The following SMTN variants were observed in gnomAD, a reference collection of about 807,000 sequenced individuals.
SMTN encodes smoothelin.
In SMTN, 58 loss-of-function variants were observed where a neutral mutation model predicts 102.0. That is an observed-to-expected ratio of 0.57 (90% CI 0.46 to 0.71). SMTN has a LOEUF of 0.71. Ranked by LOEUF, SMTN falls within the 30% of genes least tolerant of loss-of-function variation. The pLI is 0.00. For synonymous variants in SMTN, 478 were observed against 497.9 expected (o/e 0.96, Z 0.53); for missense variants, 1,185 against 1,241.7 (o/e 0.95, Z 0.69).
In SMTN at chr22:31,089,999, G is replaced by A; in HGVS notation, c.772G>A (p.Glu258Lys). The A allele has an allele frequency of 4.4e-6, 7 of 1,605,482 alleles. No individual in the cohort carries two copies. Among genetic ancestry groups the A allele is most frequent in the Non-Finnish European group, 6.0e-6 (7 of 1,175,470 alleles). Reference sequence around the variant, plus strand: ...GGAGTCTCCAACGCTCCCCAGCACTGAGGGCCAGGTGGTCAACAAGGTGAG... The same window carrying A: ...GGAGTCTCCAACGCTCCCCAGCACTAAGGGCCAGGTGGTCAACAAGGTGAG... Reference protein sequence around the residue: ...PQESPTLPSTEGQVVNKLLSG... With the variant: ...PQESPTLPSTKGQVVNKLLSG... Residue 258 changes from glutamate to lysine, a missense_variant, in exon 7 of 21, where the codon GAG becomes AAG. Physicochemically the swap from Glu to Lys is moderately conservative, Grantham distance 56. Transcript: ENST00000333137.
In SMTN at chr22:31,096,775, G is replaced by C; in HGVS notation, c.1904G>C (p.Arg635Pro). 6.4e-7 allele frequency: 1 copy of C among 1,560,154 alleles called. No individual in the cohort carries two copies. The highest frequency in any genetic ancestry group is 8.7e-7 in the Non-Finnish European group (1 of 1,155,668). ...KERERRLQEA[R>P]GRPGEGRGNT... is the part of the protein sequence containing the mutation. ...CGGGAACGGCGGCTGCAGGAGGCAC[G>C]GGGCCGGCCAGGGGAGGGGCGCGGC... The change falls in exon 14 of 21, where the codon CGG becomes CCG. Residue 635 changes from arginine to proline, a missense_variant. Arg to Pro is a moderately radical substitution (Grantham distance 103). This residue lies in a region of SMTN where 1,096 missense variants were observed against 1,112.7 expected (regional missense o/e 0.98). Coordinates refer to ENST00000333137, the MANE Select transcript of SMTN (RefSeq NM_134269.3).
Position 31,096,846 on chromosome 22 carries a change from G to A in SMTN, c.1975G>A (p.Asp659Asn). Residue 659 changes from aspartate (D) to asparagine (N), a missense_variant, in exon 14 of 21, where the codon GAT becomes AAT. Physicochemically the swap from Asp to Asn is conservative, Grantham distance 23. Around this residue, in one of 2 missense-constraint regions of SMTN, gnomAD observed 1,096 missense variants for 1,112.7 expected, o/e 0.98. Coordinates refer to ENST00000333137, the MANE Select transcript of SMTN (RefSeq NM_134269.3). ...CACGAGGCACAGCCAGCGGGCAGCT[G>A]ATGGCTCTGCTGTCAGCACTGTTAC... ...TTTRHSQRAA[D>N]GSAVSTVTKT... The A allele has an allele frequency of 6.3e-7, 1 of 1,576,794 alleles. No homozygotes were observed. Among genetic ancestry groups the A allele is most frequent in the East Asian group, 2.3e-5 (1 of 44,394 alleles).
At position 31,095,566 on chromosome 22, in the gene SMTN, GCTCA is replaced by G; in HGVS notation, c.1819_1822del (p.Leu607SerfsTer85). The G allele has an allele frequency of 6.2e-7, 1 of 1,614,052 alleles. No homozygotes were observed. The highest frequency in any genetic ancestry group is 8.5e-7 in the Non-Finnish European group (1 of 1,179,976). On this transcript the variant is annotated frameshift_variant, in exon 13 of 21. Coordinates refer to ENST00000333137, the MANE Select transcript of SMTN (RefSeq NM_134269.3). LOFTEE classifies it high-confidence loss of function. This position sits in a 1 kb window ranked among gnomAD's most constrained non-coding sequence, Gnocchi z 4.1. ...AGAGCACGGACTTTGAAGAGCGGAA[GCTCA>G]TCCGGGCTGCACTTCGTGAGCTCCG...
Position 31,090,005 on chromosome 22 carries a change from C to T in SMTN, c.778C>T (p.Gln260Ter). The T allele has an allele frequency of 6.2e-7, 1 of 1,606,830 alleles. No individual in the cohort carries two copies. Among genetic ancestry groups the T allele is most frequent in the Non-Finnish European group, 8.5e-7 (1 of 1,176,022 alleles). ...ESPTLPSTEGQVVNKLLSGPK... is the reference protein window; with the variant it reads ...ESPTLPSTEG ...TCCAACGCTCCCCAGCACTGAGGGC[C>T]AGGTGGTCAACAAGGTGAGTCTGGA... The change falls in exon 7 of 21, where the codon CAG (glutamine) becomes TAG (stop). Residue 260 changes from glutamine to a stop codon, truncating the protein, a stop_gained. Coordinates refer to ENST00000333137, the MANE Select transcript of SMTN (RefSeq NM_134269.3). LOFTEE classifies it high-confidence loss of function.
At position 31,088,926 on chromosome 22, in the gene SMTN, A is replaced by G. The variant is rs2042912452; in HGVS notation, c.428A>G (p.Glu143Gly). 2.5e-6 allele frequency: 4 copies of G among 1,613,868 alleles called. No homozygotes were observed. The highest frequency in any genetic ancestry group is 3.4e-6 in the Non-Finnish European group (4 of 1,180,002). ...YSGRPNSGSREDSKGLAAHRL... is the reference protein window; with the variant it reads ...YSGRPNSGSRGDSKGLAAHRL... ...GGGCGTCCCAACAGTGGCTCAAGAGAGGACAGCAAGGGGCTAGCGGCACAC... is the reference window on the plus strand; with the variant it reads ...GGGCGTCCCAACAGTGGCTCAAGAGGGGACAGCAAGGGGCTAGCGGCACAC... The change falls in exon 6 of 21, where the codon GAG (glutamate) becomes GGG (glycine). Residue 143 changes from glutamate to glycine, a missense_variant. Transcript: ENST00000333137.
intron 20 of SMTN, chr22:31,103,819 G>T (rs1298822545): frequency 6.3e-6 from 1 of 157,820 alleles, no homozygotes; most frequent in Admixed American, 6.1e-5. Context: ...CTCTCAACAG[G>T]AAGTACCAGA....
intron 16 of SMTN, 80 bp downstream of exon 16, chr22:31,097,418 G>A: frequency 7.6e-7 from 1 of 1,308,594 alleles, no homozygotes; most frequent in Non-Finnish European, 1.1e-6. Flanking sequence ...TTTACAGAGG[G>A]GTGGGCTGGG....
At position 31,104,137 on chromosome 22, in the gene SMTN, T is replaced by A. The variant is rs181710960; in HGVS notation, c.*21-179T>A. The stretch of plus-strand genomic sequence containing the variant: ...AGCTCTGCTCCCCCGCCCCGAGAGA[T>A]GCCTCCAGGCTTGGGTAGATGAAGC... On this transcript the variant is annotated intron_variant, in intron 20 of 20. Transcript: ENST00000333137. 1.5e-4 allele frequency: 99 copies of A among 646,882 alleles called. No homozygotes were observed. In the East Asian group the frequency reaches 2.2e-3, roughly 14 times the overall value. 40.1% of individuals were successfully genotyped at this position (646,882 alleles called of 1,614,324 possible).
At position 31,088,756 on chromosome 22, in the gene SMTN, G is replaced by A. The variant is rs749630744; in HGVS notation, c.352G>A (p.Val118Ile). ...GCTGATCCGAGCTGCCATCCGCCGT[G>A]TACGGGCTCAGGAGATTGAGGGTAT... is the stretch of plus-strand genomic sequence containing the variant. ...RKLIRAAIRR[V>I]RAQEIEAATL... The change falls in exon 5 of 21, where the codon GTA becomes ATA. Residue 118 changes from valine (V) to isoleucine (I), a missense_variant. Val to Ile is a conservative substitution (Grantham distance 29). This residue lies in a region of SMTN where 1,096 missense variants were observed against 1,112.7 expected (regional missense o/e 0.98). Coordinates refer to ENST00000333137, the MANE Select transcript of SMTN (RefSeq NM_134269.3). The A allele has an allele frequency of 9.3e-6, 15 of 1,612,976 alleles. No individual in the cohort carries two copies. Among genetic ancestry groups the A allele is most frequent in the Admixed American group, 1.7e-5 (1 of 59,782 alleles).
At chr22:31,100,367 G>A (rs1213520985) in intron 19 of SMTN, among the ~76,000 whole-genome samples, 1 of 152,066 alleles carries the variant, frequency 6.6e-6, no homozygotes, top group Non-Finnish European at 1.5e-5. Flanking sequence ...CTTTGGAATC[G>A]TTGCCCCGTC....
Position 31,090,801 on chromosome 22 carries a change from C to A in SMTN, c.866-7C>A. 1 of 1,612,206 alleles carries A rather than the reference C, an allele frequency of 6.2e-7. No homozygotes were observed. The highest frequency in any genetic ancestry group is 1.1e-5 in the South Asian group (1 of 91,018). The stretch of plus-strand genomic sequence containing the variant: ...ACATGGCCATCACCCCCTCCCCAAC[C>A]TGCCAGACGTGGCTGGACCCCGACC... On this transcript the variant is annotated splice_region_variant and splice_polypyrimidine_tract_variant and intron_variant, in intron 8 of 20. Coordinates refer to ENST00000333137, the MANE Select transcript of SMTN (RefSeq NM_134269.3).
intron 2 of SMTN, among the ~76,000 whole-genome samples, chr22:31,086,265 A>G (rs1472631372): frequency 2.6e-5 from 4 of 152,226 alleles, no homozygotes; most frequent in African/African-American, 9.6e-5. Flanking sequence ...TAGCAGAGCT[A>G]TCTTCAGCCT....
rs527471529 is a variant in SMTN, at chr22:31,095,427, T to C, written c.1757T>C (p.Ile586Thr). ...CTGAGCGCTGAGGAGCTGATGACTA[T>C]TGAGGATGAAGGAGTCTTGGACAAG... ...SPLSAEELMT[I>T]EDEGVLDKML... The change falls in exon 12 of 21, where the codon ATT (isoleucine) becomes ACT (threonine). Residue 586 changes from isoleucine (I) to threonine (T), a missense_variant. By Grantham distance (89) the Ile-to-Thr change is moderately conservative. Coordinates refer to ENST00000333137, the MANE Select transcript of SMTN (RefSeq NM_134269.3). This position sits in a 1 kb window ranked among gnomAD's most constrained non-coding sequence, Gnocchi z 4.1. The C allele has an allele frequency of 3.7e-6, 6 of 1,614,214 alleles. No homozygotes were observed. The highest frequency in any genetic ancestry group is 2.2e-5 in the East Asian group (1 of 44,882).
chr22:31,082,565 C>T, intron 1 of SMTN: 1 of 515,898 alleles, frequency 1.9e-6, no homozygotes, highest in Non-Finnish European at 3.9e-6. Context: ...AAAGCCCTTC[C>T]AGGTGGGGAA....
chr22:31,079,313 T>C (rs899160758), upstream of SMTN, among the ~76,000 whole-genome samples: 1 of 152,028 alleles, frequency 6.6e-6, no homozygotes, highest in African/African-American at 2.4e-5. Flanking sequence ...TGTCTGGAGG[T>C]GGACCCAGGC....
chr22:31,080,802 T>A (rs1319918851), upstream of SMTN: 1 of 152,426 alleles, frequency 6.6e-6, no homozygotes, highest in Non-Finnish European at 1.5e-5. Context: ...CTGCTCCACC[T>A]GAGATGGTCC....
chr22:31,091,698 CCCCCGACCCTACTCAGCACCAGTAGT>C lies in SMTN; in HGVS notation c.1484_1509del (p.Pro495ArgfsTer34). 1 of 1,604,646 alleles carries C rather than the reference CCCCCGACCCTACTCAGCACCAGTAGT, an allele frequency of 6.2e-7. No individual in the cohort carries two copies. Among genetic ancestry groups the C allele is most frequent in the Non-Finnish European group, 8.5e-7 (1 of 1,173,756 alleles). On this transcript the variant is annotated frameshift_variant, in exon 11 of 21. Coordinates refer to ENST00000333137, the MANE Select transcript of SMTN (RefSeq NM_134269.3). LOFTEE classifies it high-confidence loss of function. ...AGAACTGACACTGGGGCTGCGGGCG[CCCCCGACCCTACTCAGCACCAGTAGT>C]GGGGGCAAGAGCACCATCACCCGTG...
chr22:31,069,213 A>G (rs114844363), intron 1 of SMTN, among the ~76,000 whole-genome samples: 1,525 of 152,080 alleles, frequency 0.01, 23 homozygotes, highest in African/African-American at 0.034. Context: ...CAGGATCCTT[A>G]TTGGTCCTTG....
At chr22:31,076,899 C>T (rs886437391), upstream of SMTN, among the ~76,000 whole-genome samples, 2 of 152,210 alleles carry the variant, frequency 1.3e-5, no homozygotes, top group Non-Finnish European at 2.9e-5. Context: ...AGCCCCTGAG[C>T]TGCTCCAGAT....
Sources: allele counts gnomAD v4.1 joint callset (sites outside exome capture counted in the v4.1 genomes callset), GRCh38; gene constraint gnomAD v4.1.1; regional missense constraint gnomAD v4.1.1; non-coding constraint Gnocchi (gnomAD v3.1); transcripts MANE v1.5; gene names NCBI Gene and HGNC (gene_info 2026-07-23, HGNC 2026-07-21).